DUS3L: variants seen among roughly 807,000 people sequenced by gnomAD.
DUS3L encodes tRNA-dihydrouridine(47) synthase [NAD(P)(+)]-like.
Under a neutral mutation model 74.6 loss-of-function variants are expected in DUS3L, and 62 were observed. That is an observed-to-expected ratio of 0.83 (90% CI 0.68 to 1.03). DUS3L has a LOEUF of 1.03. Among genes scored for constraint, DUS3L ranks in the 50% least tolerant of loss-of-function variants. The pLI, the probability that DUS3L is intolerant of heterozygous loss-of-function variation, is 0.00. For synonymous variants in DUS3L, 433 were observed against 395.7 expected (o/e 1.09, Z -1.12); for missense variants, 884 against 924.4 (o/e 0.96, Z 0.57).
chr19:5,789,304 C>T lies in DUS3L; in HGVS notation c.803G>A (p.Gly268Glu). The change falls in exon 3 of 13, where the codon GGG (glycine) becomes GAG (glutamate). Residue 268 changes from glycine (G) to glutamate (E), a missense_variant. Coordinates refer to ENST00000309061, the MANE Select transcript of DUS3L (RefSeq NM_020175.3). ...GCTGGGAGGGGTGCTAGTGCCCGGC[C>T]CTGCGGGGACCTGCTGGGCACCACA... The part of the protein sequence containing the change: ...ENCGAQQVPA[G>E]PGTSTPPSSP... 6.2e-7 allele frequency: 1 copy of T among 1,603,114 alleles called. No homozygotes were observed. The highest frequency in any genetic ancestry group is 2.2e-5 in the East Asian group (1 of 44,684).
chr19:5,787,223 C>CGGGAGGT, intron 7 of DUS3L, 52 bp from the exon 8 acceptor site: 1 of 257,926 alleles, frequency 3.9e-6, no homozygotes, highest in Non-Finnish European at 5.8e-6. Context: ...TGGTGGGAGA[C>CGGGAGGT]GGTGGGAGGT....
chr19:5,789,062 G>T, intron 3 of DUS3L, 145 bp downstream of exon 3: 1 of 1,232,694 alleles, frequency 8.1e-7, no homozygotes, highest in Non-Finnish European at 1.1e-6. Context: ...ACAGAGCACA[G>T]AGAGGGAGAC....
At chr19:5,789,922 T>G (rs1393076837) in intron 2 of DUS3L, 125 bp downstream of exon 2, 2 of 1,375,970 alleles carry the variant, frequency 1.5e-6, no homozygotes, top group Non-Finnish European at 2.0e-6. Context: ...GAAGACGGAA[T>G]GGCATCAGAG....
At chr19:5,788,198 C>G (rs1425046434) in intron 4 of DUS3L, 22 bp from the exon 5 acceptor site, 1 of 1,612,900 alleles carries the variant, frequency 6.2e-7, no homozygotes, top group African/African-American at 1.3e-5. Flanking sequence ...GCAGGACAGA[C>G]ACACATGCTC....
At chr19:5,790,837 G>A in intron 1 of DUS3L, 1 of 607,812 alleles carries the variant, frequency 1.6e-6, no homozygotes, top group Non-Finnish European at 2.9e-6. Context: ...GCATGCACGT[G>A]GTGTCCTTCG....
rs150467937 is a variant in DUS3L at position 5,790,279 on chromosome 19, T to G, written c.155A>C (p.Lys52Thr). 5.8e-5 allele frequency: 94 copies of G among 1,614,074 alleles called. No homozygotes were observed. The African/African-American group carries it at 1.1e-3, about 19-fold the overall frequency. ...HQFLEAKGQEKTCRETEVGDP... is the reference protein window; with the variant it reads ...HQFLEAKGQETTCRETEVGDP... ...TCCTACCTCGGTTTCCCGGCAAGTC[T>G]TCTCCTGCCCTTTGGCTTCCAGGAA... The change falls in exon 2 of 13, where the codon AAG (lysine) becomes ACG (threonine). Residue 52 changes from lysine (K) to threonine (T), a missense_variant. By Grantham distance (78) the Lys-to-Thr change is moderately conservative (BLOSUM62 -1). Coordinates refer to ENST00000309061, the MANE Select transcript of DUS3L (RefSeq NM_020175.3).
In DUS3L at chr19:5,786,761, T is replaced by C; in HGVS notation, c.1474A>G (p.Met492Val). The change falls in exon 9 of 13, where the codon ATG (methionine) becomes GTG (valine). Residue 492 changes from methionine to valine, a missense_variant. Coordinates refer to ENST00000309061, the MANE Select transcript of DUS3L (RefSeq NM_020175.3). ...CCGGAACACCCACCGAACAGGGGCA[T>C]GGGGCTGGCGGCCTGCACGCACTCC... ...IEECVQAASPMPLFGNGDILS... is the reference protein window; with the variant it reads ...IEECVQAASPVPLFGNGDILS... 6.2e-7 allele frequency: 1 copy of C among 1,611,350 alleles called. No homozygotes were observed. Among genetic ancestry groups the C allele is most frequent in the Non-Finnish European group, 8.5e-7 (1 of 1,179,500 alleles).
chr19:5,785,833 GC>G (rs1204603196), intron 10 of DUS3L, 42 bp from the exon 11 acceptor site: 39 of 1,515,778 alleles, frequency 2.6e-5, no homozygotes, highest in Non-Finnish European at 3.5e-5. Flanking sequence ...CCACCAGCCT[GC>G]CTGGGATCGT....
intron 2 of DUS3L, 32 bp downstream of exon 2, chr19:5,790,015 C>A: frequency 6.2e-7 from 1 of 1,606,672 alleles, no homozygotes; most frequent in Middle Eastern, 1.7e-4. Flanking sequence ...TCCTGCCTGC[C>A]CCGGCAGGAA....
At chr19:5,789,035 T>A in intron 3 of DUS3L, 172 bp downstream of exon 3, 8 of 813,524 alleles carry the variant, frequency 9.8e-6, no homozygotes, top group South Asian at 3.2e-5. Flanking sequence ...CCCCACCTCC[T>A]GAGGGCTGGG....
chr19:5,790,030 C>A lies in DUS3L; in HGVS notation c.387+17G>T. ...TCCTGCCTGCCCCGGCAGGAATGCT[C>A]ACGTGGCCGCACTTGCCTGGATTAG... On this transcript the variant is annotated intron_variant, in intron 2 of 12. Transcript: ENST00000309061. The A allele has an allele frequency of 6.2e-7, 1 of 1,609,370 alleles. No homozygotes were observed. Among genetic ancestry groups the A allele is most frequent in the South Asian group, 1.1e-5 (1 of 91,020 alleles).
chr19:5,791,018 G>A (rs2144740717), intron 1 of DUS3L, 26 bp downstream of exon 1: 3 of 1,574,432 alleles, frequency 1.9e-6, no homozygotes, highest in Non-Finnish European at 2.6e-6. Context: ...AGGCCCTTCA[G>A]CTTCCCTCCT....
At chr19:5,787,495 C>T in intron 6 of DUS3L, 94 bp downstream of exon 6, 1 of 1,531,094 alleles carries the variant, frequency 6.5e-7, no homozygotes, top group Non-Finnish European at 9.0e-7. Flanking sequence ...CACACTTGAG[C>T]CCAAACCCCT....
chr19:5,790,613 C>T (rs746800133), intron 1 of DUS3L, among the ~76,000 whole-genome samples: 1 of 152,182 alleles, frequency 6.6e-6, no homozygotes, highest in East Asian at 1.9e-4. Context: ...CAATTCCCAG[C>T]ATGCCTTGAA....
In DUS3L at chr19:5,785,972, C is replaced by T. The variant is rs867367867; in HGVS notation, c.1563-181G>A. ...GGACTTTCTTTTGTTTTTTCTGAGA[C>T]GGAGTCTGGCTCTGTCGCCCAGGCT... On this transcript the variant is annotated intron_variant, in intron 10 of 12. Transcript: ENST00000309061. The T allele has an allele frequency of 3.5e-5, 24 of 679,744 alleles. No individual in the cohort carries two copies. The Middle Eastern group carries it at 1.7e-3, about 48-fold the overall frequency. 42.1% of individuals were successfully genotyped at this position (679,744 alleles called of 1,614,324 possible). A position where few individuals can be genotyped will look rare whatever the true frequency, so the allele number is the denominator to read the frequency against.
In DUS3L at chr19:5,786,756, G is replaced by C; in HGVS notation, c.1479C>G (p.Pro493=). ...GCTTCCCGGAACACCCACCGAACAG[G>C]GGCATGGGGCTGGCGGCCTGCACGC... is the stretch of plus-strand genomic sequence containing the variant. ...EECVQAASPM[P]LFGNGDILSF... is the part of the protein sequence containing the mutation. The change falls in exon 9 of 13, where the codon CCC becomes CCG. Residue 493 remains proline, a synonymous_variant. Coordinates refer to ENST00000309061, the MANE Select transcript of DUS3L (RefSeq NM_020175.3). 1 of 1,611,890 alleles carries C rather than the reference G, an allele frequency of 6.2e-7. No individual in the cohort carries two copies. The highest frequency in any genetic ancestry group is 1.3e-5 in the African/African-American group (1 of 75,042).
At chr19:5,790,889 C>T in intron 1 of DUS3L, 155 bp downstream of exon 1, 1 of 726,624 alleles carries the variant, frequency 1.4e-6, no homozygotes, top group Non-Finnish European at 2.3e-6. Context: ...CAGGTACCTC[C>T]GCTGACCACC....
rs1345638051 is a variant in DUS3L, at chr19:5,790,305, T to G, written c.129A>C (p.Gln43His). The G allele has an allele frequency of 6.2e-6, 10 of 1,614,070 alleles. No homozygotes were observed. The highest frequency in any genetic ancestry group is 8.5e-6 in the Non-Finnish European group (10 of 1,180,010). Residue 43 changes from glutamine to histidine, a missense_variant, in exon 2 of 13, where the codon CAA becomes CAC. Gln to His is a conservative substitution (Grantham distance 24, BLOSUM62 0). Coordinates refer to ENST00000309061, the MANE Select transcript of DUS3L (RefSeq NM_020175.3). ...QYLTTKEQFH[Q>H]FLEAKGQEKT... is the part of the protein sequence containing the mutation. ...TCTCCTGCCCTTTGGCTTCCAGGAA[T>G]TGGTGAAACTGCTCCTTGGTGGTGA...
intron 4 of DUS3L, 66 bp downstream of exon 4, chr19:5,788,291 T>G: frequency 6.2e-7 from 1 of 1,611,834 alleles, no homozygotes; most frequent in East Asian, 2.2e-5. Context: ...GGACAGACAC[T>G]AAGCCCTGTT....
Sources: gnomAD v4.1 joint callset for allele counts (sites outside exome capture counted in the v4.1 genomes callset) on GRCh38, gnomAD v4.1.1 for gene constraint, MANE v1.5 for transcripts, NCBI Gene and HGNC (gene_info 2026-07-23, HGNC 2026-07-21) for gene names.